Variants in POLR1D observed in about 807,000 individuals in gnomAD.
POLR1D encodes RNA polymerase I and III subunit D.
Under a neutral mutation model 10.8 loss-of-function variants are expected in POLR1D, and 8 were observed. The observed-to-expected ratio is 0.74, with a 90% CI of 0.43 to 1.33. The LOEUF (loss-of-function observed/expected upper bound fraction) is 1.33. Ranked by LOEUF, POLR1D falls within the 40% of genes most tolerant of loss-of-function variation. The probability of loss-of-function intolerance (pLI) is 0.01; values close to 1 mark genes in which losing one functional copy is unlikely to be tolerated. For missense variants in POLR1D, 152 were observed against 161.7 expected (o/e 0.94, Z 0.32); for synonymous variants, 54 against 57.2 (o/e 0.94, Z 0.25).
At chr13:27,651,602 C>T (rs1255259508) in intron 2 of POLR1D, 2 of 151,936 alleles carry the variant, frequency 1.3e-5, no homozygotes, top group Admixed American at 1.3e-4. Context: ...CAGTAAAATA[C>T]CTAGTAAATA....
intron 1 of POLR1D, among the ~76,000 whole-genome samples, chr13:27,640,266 G>A (rs61426941): frequency 2.8e-3 from 422 of 152,112 alleles, no homozygotes; most frequent in African/African-American, 9.4e-3. Context: ...TCTGTCAGTG[G>A]AGATCCAGTG....
In POLR1D at chr13:27,665,530, A is replaced by C; in HGVS notation, c.102-156A>C. 6 of 693,200 alleles carry C rather than the reference A, an allele frequency of 8.7e-6. No homozygotes were observed. In the South Asian group the frequency reaches 9.8e-5, roughly 11 times the overall value. The allele number at this position is 693,200 out of a possible 1,614,324, so 42.9% of individuals were successfully genotyped here. A position where few individuals can be genotyped will look rare whatever the true frequency, so the allele number is the denominator to read the frequency against. ...TCTTTTTTTTTCCTCCCTGGTACTCAGAGTTTACACTAGGTGGCATGCAAG... is the reference window on the plus strand; with the variant it reads ...TCTTTTTTTTTCCTCCCTGGTACTCCGAGTTTACACTAGGTGGCATGCAAG... On this transcript the variant is annotated intron_variant, in intron 2 of 2. Coordinates refer to the POLR1D transcript ENST00000399697.
intron 1 of POLR1D, among the ~76,000 whole-genome samples, chr13:27,633,260 G>A (rs913774707): frequency 6.6e-6 from 1 of 152,164 alleles, no homozygotes; most frequent in African/African-American, 2.4e-5. Flanking sequence ...AGAAGGCAGG[G>A]CTTTGTATCT....
At chr13:27,639,020 T>C (rs1048223406) in intron 1 of POLR1D, among the ~76,000 whole-genome samples, 1 of 152,184 alleles carries the variant, frequency 6.6e-6, no homozygotes, top group Non-Finnish European at 1.5e-5. Flanking sequence ...GAGTCTGAAT[T>C]TTATTTTTTA....
exon 3 of POLR1D, chr13:27,666,792 T>C (rs1430909200): frequency 6.6e-6 from 1 of 152,168 alleles, no homozygotes; most frequent in African/African-American, 2.4e-5. Flanking sequence ...CAGTATTGGT[T>C]TTCAATACCT....
downstream of POLR1D, among the ~76,000 whole-genome samples, chr13:27,623,933 A>G (rs1955980429): frequency 6.6e-6 from 1 of 152,184 alleles, no homozygotes; most frequent in Non-Finnish European, 1.5e-5. Context: ...TGTTTTGATT[A>G]TATTACAGAA....
At chr13:27,624,656 G>C (rs536269657), downstream of POLR1D, among the ~76,000 whole-genome samples, 4 of 152,254 alleles carry the variant, frequency 2.6e-5, no homozygotes, top group African/African-American at 7.2e-5. Flanking sequence ...GGAAGCCAAG[G>C]TGGGAGGATC....
At chr13:27,655,092 G>C (rs370175110) in intron 2 of POLR1D, among the ~76,000 whole-genome samples, 1 of 152,028 alleles carries the variant, frequency 6.6e-6, no homozygotes, top group African/African-American at 2.4e-5. Context: ...GGAGACAAAG[G>C]GTCATTTGTT....
chr13:27,634,829 C>T (rs945558756), intron 1 of POLR1D, among the ~76,000 whole-genome samples: 7 of 151,994 alleles, frequency 4.6e-5, no homozygotes, highest in Non-Finnish European at 5.9e-5. Flanking sequence ...GTTCAAGCCA[C>T]CAAGCCTGGC....
At chr13:27,648,447 T>C in exon 2 of POLR1D, 1 of 1,604,336 alleles carries the variant, frequency 6.2e-7, no homozygotes, top group Non-Finnish European at 8.5e-7. Flanking sequence ...ATGGGACCCA[T>C]GGGTTGGTAA....
At chr13:27,632,716 T>C (rs898840448) in intron 1 of POLR1D, among the ~76,000 whole-genome samples, 4 of 151,366 alleles carry the variant, frequency 2.6e-5, no homozygotes, top group African/African-American at 4.8e-5. Context: ...ATATATAATT[T>C]ACCTTTTTAT....
chr13:27,630,989 C>G (rs999076015), intron 1 of POLR1D, among the ~76,000 whole-genome samples: 1 of 152,238 alleles, frequency 6.6e-6, no homozygotes, highest in African/African-American at 2.4e-5. Flanking sequence ...TTGCCCTTTA[C>G]TTCCCGAACC....
At position 27,652,315 on chromosome 13, in the gene POLR1D, C is replaced by T. The variant is rs189702540; in HGVS notation, c.101+3862C>T. Among the ~76,000 whole-genome samples the T allele has an allele frequency of 2.4e-3, 369 of 152,328 alleles. 1 individual carries two copies. Among genetic ancestry groups the T allele is most frequent in the African/African-American group, 8.2e-3 (339 of 41,576 alleles). ...TCTGATAGTAAAAGAACTAGTGTAT[C>T]AGTGCTAGTTCTGCTCTCCCTGGGG... is the stretch of plus-strand genomic sequence containing the variant. On this transcript the variant is annotated intron_variant, in intron 2 of 2. Transcript: ENST00000399697.
intron 1 of POLR1D, among the ~76,000 whole-genome samples, chr13:27,639,025 T>A (rs1413552976): frequency 1.3e-5 from 2 of 152,202 alleles, no homozygotes; most frequent in African/African-American, 2.4e-5. Context: ...TGAATTTTAT[T>A]TTTTATTTCT....
chr13:27,629,764 A>C (rs1354521939), intron 1 of POLR1D, among the ~76,000 whole-genome samples: 2 of 152,238 alleles, frequency 1.3e-5, no homozygotes, highest in African/African-American at 4.8e-5. Context: ...CTTAAGCTTT[A>C]AGATAAAGGT....
At chr13:27,652,770 G>A (rs575738341) in intron 2 of POLR1D, among the ~76,000 whole-genome samples, 1 of 151,618 alleles carries the variant, frequency 6.6e-6, no homozygotes, top group South Asian at 2.1e-4. Context: ...CTCAGGCTGA[G>A]GCAGGAGAAT....
At chr13:27,648,497 C>A (rs1956239715) in intron 2 of POLR1D, 2 of 1,222,256 alleles carry the variant, frequency 1.6e-6, no homozygotes, top group South Asian at 2.5e-5. Flanking sequence ...AGAAAAAATT[C>A]TTAGCTGGAG....
At chr13:27,630,919 C>T (rs117440014) in intron 1 of POLR1D, among the ~76,000 whole-genome samples, 6,618 of 152,202 alleles carry the variant, frequency 0.043, 196 homozygotes, top group Non-Finnish European at 0.066. Context: ...GACTCTGCCA[C>T]GCTGGCCTTC....
intron 1 of POLR1D, among the ~76,000 whole-genome samples, chr13:27,628,645 C>A (rs1956041347): frequency 6.6e-6 from 1 of 152,126 alleles, no homozygotes; most frequent in South Asian, 2.1e-4. Context: ...GTGTTTGTGA[C>A]TTTTATTAGT....
Sources: allele counts gnomAD v4.1 joint callset (sites outside exome capture counted in the v4.1 genomes callset), GRCh38; gene constraint gnomAD v4.1.1; transcripts MANE v1.5; gene names NCBI Gene and HGNC (gene_info 2026-07-23, HGNC 2026-07-21).